ARHGAP12: variants seen among roughly 807,000 people sequenced by gnomAD.
ARHGAP12 encodes Rho GTPase activating protein 12.
Under a neutral mutation model 108.6 loss-of-function variants are expected in ARHGAP12, and 64 were observed. The observed-to-expected ratio is 0.59, with a 90% confidence interval of 0.48 to 0.73. The LOEUF is 0.73. Ranked by LOEUF, ARHGAP12 falls within the 30% of genes least tolerant of loss-of-function variation. The pLI is 0.00. For synonymous variants in ARHGAP12, 312 were observed against 337.2 expected, an observed-to-expected ratio of 0.93 and a Z score of 0.82; for missense variants, 940 against 1,005.9, an observed-to-expected ratio of 0.93 and a Z score of 0.89.
intron 3 of ARHGAP12, among the ~76,000 whole-genome samples, chr10:31,893,372 G>A (rs755454678): frequency 6.6e-6 from 1 of 152,018 alleles, no homozygotes; most frequent in Non-Finnish European, 1.5e-5. Context: ...GAACAAAAGA[G>A]AGAAGAATCA....
At chr10:31,880,981 T>C (rs1837928486) in intron 3 of ARHGAP12, among the ~76,000 whole-genome samples, 1 of 151,806 alleles carries the variant, frequency 6.6e-6, no homozygotes, top group Admixed American at 6.6e-5. Flanking sequence ...AAGGATTACT[T>C]GAGCTCAAGA....
At chr10:31,826,202 G>T in intron 11 of ARHGAP12, 102 bp downstream of exon 11, 3 of 800,762 alleles carry the variant, frequency 3.7e-6, no homozygotes, top group Non-Finnish European at 5.8e-6. Context: ...TTGCACACTA[G>T]CTATAACTAT....
intron 6 of ARHGAP12, among the ~76,000 whole-genome samples, chr10:31,847,218 A>G (rs2132267911): frequency 6.6e-6 from 1 of 152,266 alleles, no homozygotes; most frequent in South Asian, 2.1e-4. Flanking sequence ...GTGTGTCACC[A>G]ACCTACTGAT....
chr10:31,835,696 GTAA>G (rs1258514258), intron 9 of ARHGAP12, among the ~76,000 whole-genome samples: 14 of 152,118 alleles, frequency 9.2e-5, no homozygotes, highest in Non-Finnish European at 1.8e-4. Context: ...AGTTAATTGT[GTAA>G]TAATAAGATT....
At chr10:31,852,230 T>C (rs1351882549) in intron 6 of ARHGAP12, among the ~76,000 whole-genome samples, 2 of 152,178 alleles carry the variant, frequency 1.3e-5, no homozygotes, top group Non-Finnish European at 2.9e-5. Context: ...AGATATAAGA[T>C]GGCATTATTG....
chr10:31,873,698 T>G (rs1384049931), intron 3 of ARHGAP12, among the ~76,000 whole-genome samples: 1 of 152,242 alleles, frequency 6.6e-6, no homozygotes, highest in Non-Finnish European at 1.5e-5. Context: ...ACTCTGATGA[T>G]TCTCCTGTTC....
chr10:31,864,553 A>G (rs1837251872), intron 3 of ARHGAP12, among the ~76,000 whole-genome samples: 1 of 152,218 alleles, frequency 6.6e-6, no homozygotes, highest in African/African-American at 2.4e-5. Flanking sequence ...AGTACACAGG[A>G]GCACTTAATG....
rs1834838446 is a variant in ARHGAP12, at chr10:31,806,841, C to A, written c.*817G>T. 2 of 152,454 alleles carry A rather than the reference C, an allele frequency of 1.3e-5. No individual in the cohort carries two copies. Among genetic ancestry groups the A allele is most frequent in the Admixed American group, 6.6e-5 (1 of 15,250 alleles). The allele number at this position is 152,454 out of a possible 1,614,324, so 9.4% of individuals were successfully genotyped here. A position where few individuals can be genotyped will look rare whatever the true frequency, so the allele number is the denominator to read the frequency against. ...TGAGACTATACAACACAATTATATA[C>A]ACAAGCTAAAGGACATTAAGTCTTT... On this transcript the variant is annotated 3_prime_UTR_variant, in exon 20 of 20. Coordinates refer to ENST00000344936, the MANE Select transcript of ARHGAP12 (RefSeq NM_018287.7).
At chr10:31,820,975 C>T (rs1159687528) in intron 11 of ARHGAP12, among the ~76,000 whole-genome samples, 2 of 151,976 alleles carry the variant, frequency 1.3e-5, no homozygotes, top group Non-Finnish European at 2.9e-5. Context: ...ATGTAAAATG[C>T]TATGTACACA....
At chr10:31,874,668 A>G (rs895415335) in intron 3 of ARHGAP12, among the ~76,000 whole-genome samples, 10 of 150,390 alleles carry the variant, frequency 6.6e-5, no homozygotes, top group Non-Finnish European at 1.3e-4. Flanking sequence ...AATGGACTCT[A>G]TAAGTAGAAA....
At chr10:31,858,301 A>C (rs1337318027) in intron 4 of ARHGAP12, among the ~76,000 whole-genome samples, 1 of 152,222 alleles carries the variant, frequency 6.6e-6, no homozygotes, top group East Asian at 1.9e-4. Flanking sequence ...GTACAACAAC[A>C]ACAAAGGGGC....
At chr10:31,849,404 C>T (rs941425873) in intron 6 of ARHGAP12, among the ~76,000 whole-genome samples, 2 of 152,262 alleles carry the variant, frequency 1.3e-5, no homozygotes, top group Non-Finnish European at 2.9e-5. Flanking sequence ...AGACCATGTC[C>T]TATGTATTTG....
At chr10:31,876,974 C>G (rs1355701077) in intron 3 of ARHGAP12, among the ~76,000 whole-genome samples, 1 of 152,216 alleles carries the variant, frequency 6.6e-6, no homozygotes, top group Non-Finnish European at 1.5e-5. Context: ...TAATCCTCAT[C>G]TGAAGACTCA....
chr10:31,808,832 T>C, intron 18 of ARHGAP12, 81 bp from the exon 19 acceptor site: 1 of 1,465,922 alleles, frequency 6.8e-7, no homozygotes. Flanking sequence ...AAGCTGATAT[T>C]TGGTAATACA....
intron 6 of ARHGAP12, among the ~76,000 whole-genome samples, chr10:31,851,734 T>C (rs890472691): frequency 1.3e-5 from 2 of 152,166 alleles, no homozygotes. Flanking sequence ...TAGTAACATC[T>C]AGTCATTTTT....
intron 3 of ARHGAP12, among the ~76,000 whole-genome samples, chr10:31,862,717 C>G (rs201621229): frequency 0.22 from 28,958 of 129,156 alleles, 2,989 homozygotes; most frequent in East Asian, 0.37. Flanking sequence ...CACACACACA[C>G]ACACACACAC....
chr10:31,872,082 G>A (rs1837561811), intron 3 of ARHGAP12, among the ~76,000 whole-genome samples: 1 of 152,144 alleles, frequency 6.6e-6, no homozygotes, highest in Admixed American at 6.6e-5. Context: ...CTTTAAGGCA[G>A]AAACATTTGT....
intron 14 of ARHGAP12, 37 bp downstream of exon 14, chr10:31,814,222 C>T: frequency 6.5e-7 from 1 of 1,527,100 alleles, no homozygotes; most frequent in Non-Finnish European, 9.1e-7. Context: ...AGAGAACAAG[C>T]ACAAATCCTT....
At chr10:31,850,894 T>C (rs963574700) in intron 6 of ARHGAP12, among the ~76,000 whole-genome samples, 2 of 152,112 alleles carry the variant, frequency 1.3e-5, no homozygotes, top group African/African-American at 2.4e-5. Context: ...ATAATGAAAA[T>C]GAAAAATATC....
Sources: allele counts gnomAD v4.1 joint callset (sites outside exome capture counted in the v4.1 genomes callset), GRCh38; gene constraint gnomAD v4.1.1; transcripts MANE v1.5; gene names NCBI Gene and HGNC (gene_info 2026-07-23, HGNC 2026-07-21).